ANAPC10: variants seen among roughly 807,000 people sequenced by gnomAD.
ANAPC10 encodes the protein anaphase-promoting complex subunit 10.
Under a neutral mutation model 22.0 loss-of-function variants are expected in ANAPC10, and 12 were observed. The ratio of observed to expected loss-of-function variants is 0.55; its 90% CI spans 0.35 to 0.88. The LOEUF (loss-of-function observed/expected upper bound fraction) is 0.88, where lower values mean the gene tolerates loss of function less well. Among genes scored for constraint, ANAPC10 ranks in the 40% least tolerant of loss-of-function variants. ANAPC10 has a pLI of 0.01. For synonymous variants in ANAPC10, 65 were observed against 69.5 expected, an observed-to-expected ratio of 0.94 and a Z score of 0.32; for missense variants, 188 against 220.9, an observed-to-expected ratio of 0.85 and a Z score of 0.94.
chr4:145,068,232 A>C (rs1476350355), intron 3 of ANAPC10, among the ~76,000 whole-genome samples: 2 of 152,214 alleles, frequency 1.3e-5, no homozygotes, highest in Non-Finnish European at 2.9e-5. Context: ...ATTTCTAATT[A>C]ATACAGCATT....
intron 4 of ANAPC10, among the ~76,000 whole-genome samples, chr4:145,048,748 A>T (rs989543292): frequency 2.8e-5 from 4 of 141,878 alleles, no homozygotes; most frequent in African/African-American, 8.3e-5. Flanking sequence ...GCCCCAATTT[A>T]AAAAAAAAAA....
chr4:145,022,038 G>A (rs2126992269), intron 4 of ANAPC10, among the ~76,000 whole-genome samples: 1 of 152,182 alleles, frequency 6.6e-6, no homozygotes, highest in Non-Finnish European at 1.5e-5. Context: ...GCAGTGATCA[G>A]GGAACACTTC....
rs1731387595 is a variant in ANAPC10 at position 144,994,881 on chromosome 4, CTG to C, written c.*490_*491del. 6.5e-6 allele frequency: 1 copy of C among 153,160 alleles called. No individual in the cohort carries two copies. Among genetic ancestry groups the C allele is most frequent in the African/African-American group, 2.4e-5 (1 of 41,434 alleles). 9.5% of individuals were successfully genotyped at this position (153,160 alleles called of 1,614,324 possible). On this transcript the variant is annotated 3_prime_UTR_variant, in exon 5 of 5. Transcript: ENST00000507656. ...AACCTAACACTAAGCTTATTTGACA[CTG>C]TTTTTTAAAAGATCCAGTATTAAAA...
chr4:145,077,744 A>G (rs1434628348), intron 3 of ANAPC10, among the ~76,000 whole-genome samples: 1 of 152,252 alleles, frequency 6.6e-6, no homozygotes, highest in African/African-American at 2.4e-5. Flanking sequence ...AATGTCATTC[A>G]TCACATAAAC....
chr4:145,034,772 T>C (rs1353067306), intron 4 of ANAPC10, among the ~76,000 whole-genome samples: 1 of 151,670 alleles, frequency 6.6e-6, no homozygotes, highest in Non-Finnish European at 1.5e-5. Context: ...TGGATGTGTG[T>C]TAGGCTGCAG....
chr4:145,054,604 A>AGT (rs70956823), intron 4 of ANAPC10, among the ~76,000 whole-genome samples: 1,807 of 128,280 alleles, frequency 0.014, 36 homozygotes, highest in African/African-American at 0.043. Flanking sequence ...CATACTGAAT[A>AGT]GTGTGTGTGT....
intron 4 of ANAPC10, among the ~76,000 whole-genome samples, chr4:145,047,850 C>T (rs1009626883): frequency 6.6e-6 from 1 of 152,062 alleles, no homozygotes; most frequent in African/African-American, 2.4e-5. Flanking sequence ...AAGTGGCTAC[C>T]TAAATACTAA....
intron 4 of ANAPC10, among the ~76,000 whole-genome samples, chr4:144,996,415 T>C (rs548866594): frequency 2.0e-5 from 3 of 152,170 alleles, no homozygotes; most frequent in African/African-American, 7.2e-5. Context: ...CGGCTGCTGC[T>C]GCTGTGCTGG....
intron 4 of ANAPC10, among the ~76,000 whole-genome samples, chr4:145,048,782 A>C (rs1740687496): frequency 6.6e-6 from 1 of 152,162 alleles, no homozygotes; most frequent in Admixed American, 6.6e-5. Flanking sequence ...TTGGAGGAAT[A>C]GTCCAAAGAT....
At position 145,029,846 on chromosome 4, in the gene ANAPC10, C is replaced by G. The variant is rs574365625; in HGVS notation, c.328-34243G>C. 7.2e-5 allele frequency among the ~76,000 whole-genome samples: 11 copies of G among 152,244 alleles called. No individual in the cohort carries two copies. The East Asian group carries it at 1.9e-3, about 27-fold the overall frequency. On this transcript the variant is annotated intron_variant, in intron 4 of 4. Transcript: ENST00000507656. ...GAGGGTCCAGAAGATATACCCTTGA[C>G]CAATGCCTTGCAAAACAGATTTGTG...
chr4:145,072,952 C>T (rs1744695736), intron 3 of ANAPC10, among the ~76,000 whole-genome samples: 2 of 151,092 alleles, frequency 1.3e-5, no homozygotes, highest in South Asian at 4.2e-4. Flanking sequence ...GGCTGGAGTG[C>T]AGTGGCATGA....
chr4:145,007,138 A>G (rs1428830642), intron 4 of ANAPC10, among the ~76,000 whole-genome samples: 2 of 152,268 alleles, frequency 1.3e-5, no homozygotes, highest in African/African-American at 4.8e-5. Flanking sequence ...AGATTCATAA[A>G]GCAAGTCCTT....
chr4:145,054,633 GT>G (rs1484329451), intron 4 of ANAPC10, among the ~76,000 whole-genome samples: 3 of 123,838 alleles, frequency 2.4e-5, no homozygotes, highest in Non-Finnish European at 5.1e-5. Context: ...GTGTGTGTGT[GT>G]GTGTGTGCGC....
intron 4 of ANAPC10, 58 bp downstream of exon 4, chr4:145,064,514 A>G: frequency 1.4e-6 from 2 of 1,396,770 alleles, no homozygotes; most frequent in Non-Finnish European, 9.8e-7. Flanking sequence ...AACTGTGACT[A>G]TCTTCTAATG....
At chr4:145,072,606 G>C (rs1011852692) in intron 3 of ANAPC10, among the ~76,000 whole-genome samples, 10 of 152,086 alleles carry the variant, frequency 6.6e-5, no homozygotes, top group African/African-American at 2.2e-4. Context: ...TTATATAATA[G>C]AGGTAGGAAA....
intron 2 of ANAPC10, among the ~76,000 whole-genome samples, chr4:145,094,939 T>C (rs2126669183): frequency 6.6e-6 from 1 of 152,228 alleles, no homozygotes; most frequent in East Asian, 1.9e-4. Flanking sequence ...AAAAGGAAAG[T>C]ATTTTGGCGT....
intron 4 of ANAPC10, among the ~76,000 whole-genome samples, chr4:144,996,710 C>T (rs1158319309): frequency 1.3e-5 from 2 of 152,132 alleles, no homozygotes; most frequent in African/African-American, 4.8e-5. Context: ...TCGCCAGCAA[C>T]GGAACAAAGC....
At chr4:145,068,029 C>T (rs139399432) in intron 3 of ANAPC10, among the ~76,000 whole-genome samples, 11 of 152,238 alleles carry the variant, frequency 7.2e-5, no homozygotes, top group African/African-American at 2.2e-4. Flanking sequence ...GACCATAAGA[C>T]AACCTTGAGG....
chr4:145,011,455 A>G (rs1376966443), intron 4 of ANAPC10, among the ~76,000 whole-genome samples: 1 of 152,114 alleles, frequency 6.6e-6, no homozygotes, highest in Admixed American at 6.5e-5. Context: ...TAGGTAAAAC[A>G]TAAAAATTAT....
Sources: gnomAD v4.1 joint callset for allele counts (sites outside exome capture counted in the v4.1 genomes callset) on GRCh38, gnomAD v4.1.1 for gene constraint, MANE v1.5 for transcripts, NCBI Gene and HGNC (gene_info 2026-07-23, HGNC 2026-07-21) for gene names.